Variants in RGS6 observed in about 807,000 individuals in gnomAD.
RGS6 encodes the protein regulator of G-protein signaling 6.
Under a neutral mutation model 78.5 loss-of-function variants are expected in RGS6, and 30 were observed. The observed-to-expected ratio is 0.38, with a 90% CI of 0.29 to 0.52. The LOEUF (loss-of-function observed/expected upper bound fraction) is 0.52. Ranked by LOEUF, RGS6 falls within the 20% of genes least tolerant of loss-of-function variation. RGS6 has a pLI of 0.85. For missense variants in RGS6, 495 were observed against 609.7 expected (o/e 0.81, Z 1.98); for synonymous variants, 206 against 206.0 (o/e 1.00, Z 0.00).
chr14:72,028,200 C>A (rs1320352860), intron 2 of RGS6, among the ~76,000 whole-genome samples: 1 of 152,190 alleles, frequency 6.6e-6, no homozygotes, highest in Non-Finnish European at 1.5e-5. Flanking sequence ...AACTACTGAA[C>A]CTATTTCTTC....
chr14:71,877,055 T>C, the RGS6 span, among the ~76,000 whole-genome samples: 1 of 152,274 alleles, frequency 6.6e-6, no homozygotes, highest in African/African-American at 2.4e-5. Context: ...GCTGTTAGTC[T>C]GATGGCTTCC....
intron 17 of RGS6, among the ~76,000 whole-genome samples, chr14:72,557,905 A>G (rs1313043184): frequency 6.6e-6 from 1 of 152,192 alleles, no homozygotes; most frequent in Non-Finnish European, 1.5e-5. Context: ...CTCCAAACCC[A>G]GGGATGGGCC....
the RGS6 span, among the ~76,000 whole-genome samples, chr14:71,909,222 C>T: frequency 6.6e-6 from 1 of 152,084 alleles, no homozygotes. Context: ...CTGAGGACGC[C>T]CTACTCTGTA....
intron 2 of RGS6, among the ~76,000 whole-genome samples, chr14:71,982,079 C>T (rs1395679818): frequency 6.6e-6 from 1 of 152,236 alleles, no homozygotes; most frequent in African/African-American, 2.4e-5. Context: ...CTTTCTTTGA[C>T]TAGGAAAGGG....
At chr14:72,609,126 A>G in the RGS6 span, among the ~76,000 whole-genome samples, 1 of 152,216 alleles carries the variant, frequency 6.6e-6, no homozygotes, top group Admixed American at 6.5e-5. Context: ...CCAATCACAG[A>G]ACAAGATACT....
intron 2 of RGS6, among the ~76,000 whole-genome samples, chr14:72,035,279 C>G (rs1353603021): frequency 7.2e-6 from 1 of 138,058 alleles, no homozygotes; most frequent in Admixed American, 7.6e-5. Context: ...AATTTACTGG[C>G]ATATGCTTAT....
the RGS6 span, among the ~76,000 whole-genome samples, chr14:71,914,047 G>C: frequency 6.6e-5 from 10 of 152,278 alleles, no homozygotes; most frequent in South Asian, 1.7e-3. Context: ...AGTTTATTAC[G>C]TGATCACAGG....
intron 2 of RGS6, among the ~76,000 whole-genome samples, chr14:72,072,731 T>A (rs999803239): frequency 9.2e-5 from 14 of 152,338 alleles, no homozygotes; most frequent in Non-Finnish European, 1.5e-4. Context: ...TTCACTTAAT[T>A]AAGCAACTTA....
intron 2 of RGS6, among the ~76,000 whole-genome samples, chr14:72,082,175 A>T (rs942545437): frequency 8.5e-5 from 13 of 152,196 alleles, no homozygotes; most frequent in Middle Eastern, 6.8e-3. Context: ...TTAAAAAAAA[A>T]TTTCTGTGAA....
At chr14:72,502,975 G>A (rs1025639430) in intron 13 of RGS6, among the ~76,000 whole-genome samples, 1 of 152,040 alleles carries the variant, frequency 6.6e-6, no homozygotes, top group African/African-American at 2.4e-5. Flanking sequence ...GTCTGTTCAG[G>A]CTGCTACAGC....
chr14:72,026,578 G>A (rs1034197828), intron 2 of RGS6, among the ~76,000 whole-genome samples: 1 of 152,310 alleles, frequency 6.6e-6, no homozygotes, highest in African/African-American at 2.4e-5. Flanking sequence ...CTGAGTGCCA[G>A]CCAATCAAAG....
chr14:71,876,378 T>C, the RGS6 span, among the ~76,000 whole-genome samples: 1 of 152,194 alleles, frequency 6.6e-6, no homozygotes, highest in Admixed American at 6.5e-5. Context: ...CTTGTTGAAT[T>C]GATCCCTTTA....
At chr14:72,555,261 G>A (rs892410782) in intron 17 of RGS6, among the ~76,000 whole-genome samples, 13 of 152,182 alleles carry the variant, frequency 8.5e-5, no homozygotes, top group Non-Finnish European at 1.6e-4. Context: ...CAAACAGAAC[G>A]GTGGGTTCAC....
chr14:72,225,473 A>G (rs1269664052), intron 2 of RGS6, among the ~76,000 whole-genome samples: 1 of 152,028 alleles, frequency 6.6e-6, no homozygotes, highest in Non-Finnish European at 1.5e-5. Flanking sequence ...ACAGGCATGC[A>G]TCACCATGCC....
the RGS6 span, among the ~76,000 whole-genome samples, chr14:71,889,431 TC>T: frequency 1.3e-4 from 20 of 152,138 alleles, no homozygotes; most frequent in Non-Finnish European, 7.4e-5. Flanking sequence ...TGGATTTTTT[TC>T]CCTAAATGCA....
chr14:72,163,169 A>G (rs933229033), intron 2 of RGS6, among the ~76,000 whole-genome samples: 2 of 152,228 alleles, frequency 1.3e-5, no homozygotes, highest in Admixed American at 1.3e-4. Context: ...ATGTAACCAA[A>G]TACCACCTGT....
At chr14:72,569,743 A>G (rs2097718180), downstream of RGS6, among the ~76,000 whole-genome samples, 1 of 152,154 alleles carries the variant, frequency 6.6e-6, no homozygotes, top group South Asian at 2.1e-4. Flanking sequence ...GTTATACACT[A>G]TGTGACCTTA....
At chr14:71,873,213 C>T in the RGS6 span, among the ~76,000 whole-genome samples, 2 of 152,160 alleles carry the variant, frequency 1.3e-5, no homozygotes, top group South Asian at 4.2e-4. Context: ...TGAGGAATCG[C>T]CACACTGTCT....
intron 3 of RGS6, among the ~76,000 whole-genome samples, chr14:72,431,760 G>C (rs909273328): frequency 1.3e-5 from 2 of 152,024 alleles, no homozygotes; most frequent in Non-Finnish European, 2.9e-5. Flanking sequence ...GGCCCCCAAG[G>C]GATATGGACA....
Sources: allele counts gnomAD v4.1 joint callset (sites outside exome capture counted in the v4.1 genomes callset), GRCh38; gene constraint gnomAD v4.1.1; transcripts MANE v1.5; gene names NCBI Gene and HGNC (gene_info 2026-07-23, HGNC 2026-07-21).